The following MAML3 variants were observed in gnomAD, a reference collection of about 807,000 sequenced individuals.
The protein encoded by MAML3 is mastermind-like protein 3.
MAML3 carries 27 observed loss-of-function variants against 101.9 expected under a neutral mutation model. The ratio of observed to expected loss-of-function variants is 0.27; its 90% confidence interval spans 0.20 to 0.37. MAML3 has a LOEUF of 0.37. Ranked by LOEUF, MAML3 falls within the 10% of genes least tolerant of loss-of-function variation. The probability of loss-of-function intolerance (pLI) is 1.00; values close to 1 mark genes in which losing one functional copy is unlikely to be tolerated. For synonymous variants in MAML3, 501 were observed against 555.9 expected (o/e 0.90, Z 1.39); for missense variants, 1,316 against 1,444.9 (o/e 0.91, Z 1.45).
intron 2 of MAML3, among the ~76,000 whole-genome samples, chr4:139,764,220 G>A (rs940252558): frequency 3.3e-5 from 5 of 152,174 alleles, no homozygotes; most frequent in African/African-American, 1.2e-4. Context: ...TCCTGCTGAC[G>A]AGCAAACCTT....
At chr4:139,782,415 C>A (rs778300659) in intron 2 of MAML3, among the ~76,000 whole-genome samples, 1 of 152,192 alleles carries the variant, frequency 6.6e-6, no homozygotes, top group Non-Finnish European at 1.5e-5. Flanking sequence ...AGTCCTCCCA[C>A]CTCAGCCTCC....
At chr4:139,763,106 C>T (rs1014214156) in intron 2 of MAML3, among the ~76,000 whole-genome samples, 4 of 152,132 alleles carry the variant, frequency 2.6e-5, no homozygotes, top group African/African-American at 9.7e-5. Context: ...TCTCCAGGAA[C>T]CCAGGGACTT....
chr4:139,893,767 A>G (rs533005229), intron 1 of MAML3, among the ~76,000 whole-genome samples: 1 of 152,054 alleles, frequency 6.6e-6, no homozygotes, highest in African/African-American at 2.4e-5. Context: ...AACTCTATGG[A>G]TTTATCAATT....
At chr4:139,749,801 A>G (rs1263016042) in intron 2 of MAML3, among the ~76,000 whole-genome samples, 1 of 152,176 alleles carries the variant, frequency 6.6e-6, no homozygotes, top group East Asian at 1.9e-4. Context: ...GCAATGCAGT[A>G]ATTATTTTAC....
At chr4:140,057,373 A>G (rs756043487) in intron 1 of MAML3, among the ~76,000 whole-genome samples, 30 of 152,210 alleles carry the variant, frequency 2.0e-4, no homozygotes, top group Non-Finnish European at 1.5e-4. Flanking sequence ...TTTTTGTCTT[A>G]AATCTTTTCT....
intron 1 of MAML3, among the ~76,000 whole-genome samples, chr4:140,084,396 C>T (rs1727917916): frequency 6.6e-6 from 1 of 152,152 alleles, no homozygotes; most frequent in African/African-American, 2.4e-5. Flanking sequence ...TGCACGTATA[C>T]ACAGGGAATG....
intron 1 of MAML3, among the ~76,000 whole-genome samples, chr4:140,015,357 T>G (rs535666009): frequency 2.0e-5 from 3 of 152,184 alleles, no homozygotes; most frequent in Non-Finnish European, 4.4e-5. Context: ...CCTGAAGACA[T>G]AACTAACTAG....
intron 1 of MAML3, among the ~76,000 whole-genome samples, chr4:140,093,328 A>G (rs1728093511): frequency 6.6e-6 from 1 of 151,944 alleles, no homozygotes; most frequent in Admixed American, 6.6e-5. Context: ...TTGCCAGACC[A>G]TGTGTCCAGA....
At chr4:139,921,957 G>C (rs1338313055) in intron 1 of MAML3, among the ~76,000 whole-genome samples, 2 of 152,222 alleles carry the variant, frequency 1.3e-5, no homozygotes, top group Non-Finnish European at 2.9e-5. Context: ...GGTCCCAAGT[G>C]TGCCTTCTAA....
At position 140,088,295 on chromosome 4, in the gene MAML3, G is replaced by T. The variant is rs1727991135; in HGVS notation, c.468+64565C>A. On this transcript the variant is annotated intron_variant, in intron 1 of 4. Transcript: ENST00000509479. Reference sequence around the variant, plus strand: ...GAAGGGAGGAAGGAAAATTTACCTGGTCTAAGAGGGAGAACCCTTTCCCTC... The same window carrying T: ...GAAGGGAGGAAGGAAAATTTACCTGTTCTAAGAGGGAGAACCCTTTCCCTC... 2.0e-5 allele frequency among the ~76,000 whole-genome samples: 3 copies of T among 151,958 alleles called. No individual in the cohort carries two copies. In the South Asian group the frequency reaches 6.2e-4, roughly 32 times the overall value.
chr4:139,904,705 T>C (rs1732787490), intron 1 of MAML3, among the ~76,000 whole-genome samples: 4 of 152,226 alleles, frequency 2.6e-5, no homozygotes. Flanking sequence ...ACTTGCTTAA[T>C]GACAAAGATT....
Position 139,723,507 on chromosome 4 carries a change from T to C in MAML3, c.2416+2244A>G, listed in dbSNP as rs182653989. Among the ~76,000 whole-genome samples, 868 of 152,252 alleles carry C rather than the reference T, an allele frequency of 5.7e-3. 5 individuals are homozygous for C. Among genetic ancestry groups the C allele is most frequent in the Middle Eastern group, 0.017 (5 of 294 alleles). ...TTGTATTTTTAGTAGAGACGGGGTT[T>C]CTCCATGTTGGTCAGGCTGGTCTCG... is the stretch of plus-strand genomic sequence containing the variant. On this transcript the variant is annotated intron_variant, in intron 4 of 4. Transcript: ENST00000509479.
At chr4:139,753,341 A>AATCTATCTATCTATCTATCT (rs35975255) in intron 2 of MAML3, among the ~76,000 whole-genome samples, 1 of 146,578 alleles carries the variant, frequency 6.8e-6, no homozygotes, top group Non-Finnish European at 1.5e-5. Flanking sequence ...TTTTCTTTTT[A>AATCTATCTATCTATCTATCT]ATCTATCTAT....
intron 1 of MAML3, among the ~76,000 whole-genome samples, chr4:139,965,236 T>C (rs2110781389): frequency 6.6e-6 from 1 of 151,894 alleles, no homozygotes; most frequent in South Asian, 2.1e-4. Context: ...TCTCATGATC[T>C]GTGTAATTAC....
At chr4:140,027,063 GA>G (rs554293252) in intron 1 of MAML3, among the ~76,000 whole-genome samples, 121 of 140,880 alleles carry the variant, frequency 8.6e-4, no homozygotes, top group South Asian at 2.3e-3. Context: ...GTAGAAAAAG[GA>G]AAAAAAAAAA....
intron 1 of MAML3, among the ~76,000 whole-genome samples, chr4:140,027,778 G>C (rs553512367): frequency 3.3e-5 from 5 of 152,128 alleles, no homozygotes; most frequent in African/African-American, 1.2e-4. Flanking sequence ...TTCATTTTCT[G>C]AACTAGATTT....
chr4:139,963,459 G>A (rs1734063133), intron 1 of MAML3, among the ~76,000 whole-genome samples: 1 of 152,170 alleles, frequency 6.6e-6, no homozygotes, highest in South Asian at 2.1e-4. Flanking sequence ...AAGTGCAACT[G>A]GCCAGAAGTA....
chr4:139,954,037 C>T (rs1172449510), intron 1 of MAML3, among the ~76,000 whole-genome samples: 1 of 152,236 alleles, frequency 6.6e-6, no homozygotes, highest in African/African-American at 2.4e-5. Flanking sequence ...TGAGGTGGAG[C>T]TCAGGAAACC....
intron 2 of MAML3, among the ~76,000 whole-genome samples, chr4:139,799,524 C>T (rs1730569254): frequency 6.6e-6 from 1 of 152,082 alleles, no homozygotes; most frequent in African/African-American, 2.4e-5. Context: ...GGAAAGAAAA[C>T]CCAAAAATCC....
Sources: gnomAD v4.1 joint callset for allele counts (sites outside exome capture counted in the v4.1 genomes callset) on GRCh38, gnomAD v4.1.1 for gene constraint, MANE v1.5 for transcripts, NCBI Gene and HGNC (gene_info 2026-07-23, HGNC 2026-07-21) for gene names.